The following SLF1 variants were observed in gnomAD, a reference collection of about 807,000 sequenced individuals.
SLF1 encodes SMC5-SMC6 complex localization factor protein 1.
In SLF1, 105 loss-of-function variants were observed where a neutral mutation model predicts 123.0. The observed-to-expected ratio is 0.85, with a 90% confidence interval of 0.73 to 1.00. The LOEUF (loss-of-function observed/expected upper bound fraction) is 1.00, where lower values mean the gene tolerates loss of function less well. Ranked by LOEUF, SLF1 falls within the 50% of genes least tolerant of loss-of-function variation. The pLI is 0.00. For synonymous variants in SLF1, 434 were observed against 406.6 expected (o/e 1.07, Z -0.81); for missense variants, 1,239 against 1,223.0 (o/e 1.01, Z -0.20).
intron 14 of SLF1, 187 bp from the exon 15 acceptor site, chr5:94,678,621 G>A (rs766864170): frequency 8.4e-6 from 4 of 474,792 alleles, no homozygotes; most frequent in African/African-American, 2.0e-5. Flanking sequence ...CTTTTGTCAT[G>A]TGGAGAGAGA....
Position 94,692,158 on chromosome 5 carries a change from A to C in SLF1, c.2597A>C (p.Glu866Ala). The change falls in exon 20 of 21, where the codon GAG becomes GCG. Residue 866 changes from glutamate to alanine, a missense_variant. By Grantham distance (107) the Glu-to-Ala change is moderately radical. Coordinates refer to ENST00000265140, the MANE Select transcript of SLF1 (RefSeq NM_032290.4). ...CAGGAAATTTTGCAACGTTGTCCAGAGGTAGATCTGCTCACTCAAGTGGAC... is the reference window on the plus strand; with the variant it reads ...CAGGAAATTTTGCAACGTTGTCCAGCGGTAGATCTGCTCACTCAAGTGGAC... The part of the protein sequence containing the change: ...CVQEILQRCP[E>A]VDLLTQVDGV... 6.2e-7 allele frequency: 1 copy of C among 1,613,954 alleles called. No individual in the cohort carries two copies. Among genetic ancestry groups the C allele is most frequent in the Non-Finnish European group, 8.5e-7 (1 of 1,179,864 alleles).
intron 4 of SLF1, among the ~76,000 whole-genome samples, chr5:94,631,201 G>T (rs1461245578): frequency 6.6e-6 from 1 of 151,834 alleles, no homozygotes; most frequent in African/African-American, 2.4e-5. Context: ...TGTATTCTAA[G>T]ACTGCTGTTA....
chr5:94,670,450 T>G (rs1389611718), intron 13 of SLF1, among the ~76,000 whole-genome samples, 171 bp downstream of exon 13: 5 of 151,838 alleles, frequency 3.3e-5, no homozygotes, highest in Admixed American at 3.3e-4. Context: ...GAGTAAAGGT[T>G]TATATGCCCT....
intron 5 of SLF1, among the ~76,000 whole-genome samples, chr5:94,644,644 C>A (rs78909943): frequency 0.012 from 1,785 of 152,308 alleles, 42 homozygotes; most frequent in African/African-American, 0.042. Flanking sequence ...TGTGGGTCTT[C>A]CTGCCTTCTG....
intron 11 of SLF1, 134 bp downstream of exon 11, chr5:94,664,042 A>G (rs1037430919): frequency 3.8e-6 from 3 of 790,158 alleles, no homozygotes; most frequent in Non-Finnish European, 5.6e-6. Flanking sequence ...CTAATGCAGT[A>G]CCCATTTATT....
chr5:94,676,345 T>G (rs1352977828), intron 14 of SLF1, among the ~76,000 whole-genome samples: 6 of 152,208 alleles, frequency 3.9e-5, no homozygotes, highest in Non-Finnish European at 7.3e-5. Context: ...TGCAGTGTTT[T>G]CTGGAGACTA....
chr5:94,682,548 T>G (rs905579046), intron 15 of SLF1, among the ~76,000 whole-genome samples: 5 of 152,194 alleles, frequency 3.3e-5, no homozygotes, highest in African/African-American at 4.8e-5. Flanking sequence ...AGTACAAAAT[T>G]CATACTGTGA....
intron 1 of SLF1, among the ~76,000 whole-genome samples, chr5:94,624,436 T>C (rs1561415566): frequency 6.6e-6 from 1 of 152,178 alleles, no homozygotes; most frequent in East Asian, 1.9e-4. Context: ...AAAGACCATA[T>C]GGTTTAAGAT....
At chr5:94,650,875 G>T (rs1374339859) in intron 6 of SLF1, among the ~76,000 whole-genome samples, 2 of 152,086 alleles carry the variant, frequency 1.3e-5, no homozygotes, top group African/African-American at 4.8e-5. Flanking sequence ...ATATAGAAAG[G>T]AATGTAGAAT....
Position 94,690,932 on chromosome 5 carries a change from C to T in SLF1, c.2420-632C>T, listed in dbSNP as rs201652748. On this transcript the variant is annotated intron_variant, in intron 18 of 20. Coordinates refer to ENST00000265140, the MANE Select transcript of SLF1 (RefSeq NM_032290.4). ...TTTTTTTTTACATCCGTGTGTGTGTCTGTGTGTGTGTGTGTGTGTGGTGTG... is the reference window on the plus strand; with the variant it reads ...TTTTTTTTTACATCCGTGTGTGTGTTTGTGTGTGTGTGTGTGTGTGGTGTG... 2.8e-5 allele frequency among the ~76,000 whole-genome samples: 4 copies of T among 144,680 alleles called. No homozygotes were observed. In the Admixed American group the frequency reaches 2.8e-4, roughly 10 times the overall value. 94.9% of individuals were successfully genotyped at this position (144,680 alleles called of 152,430 possible). A position where few individuals can be genotyped will look rare whatever the true frequency, so the allele number is the denominator to read the frequency against.
intron 4 of SLF1, among the ~76,000 whole-genome samples, chr5:94,642,408 C>T (rs902148445): frequency 3.3e-5 from 5 of 152,202 alleles, no homozygotes; most frequent in African/African-American, 9.6e-5. Flanking sequence ...ATACTTGCCC[C>T]TTAAATTTTG....
At chr5:94,623,587 A>T (rs1269072641) in intron 1 of SLF1, among the ~76,000 whole-genome samples, 1 of 152,042 alleles carries the variant, frequency 6.6e-6, no homozygotes, top group Admixed American at 6.5e-5. Flanking sequence ...TTTTCTAAAA[A>T]TAACCACTGG....
chr5:94,673,451 G>A lies in SLF1; in HGVS notation c.1827+2443G>A, dbSNP rs902457392. Among the ~76,000 whole-genome samples the A allele has an allele frequency of 1.2e-3, 183 of 152,088 alleles. 1 individual carries two copies. The highest frequency in any genetic ancestry group is 4.3e-3 in the African/African-American group (178 of 41,480). On this transcript the variant is annotated intron_variant, in intron 14 of 20. Transcript: ENST00000265140. Reference sequence around the variant, plus strand: ...GCACTTTGATATGCTGAAGTGGAAGGATTGCTTGCGGCCAGGAGCTCAAGA... The same window carrying A: ...GCACTTTGATATGCTGAAGTGGAAGAATTGCTTGCGGCCAGGAGCTCAAGA...
At chr5:94,636,569 T>G (rs1488046966) in intron 4 of SLF1, among the ~76,000 whole-genome samples, 1 of 142,394 alleles carries the variant, frequency 7.0e-6, no homozygotes, top group Non-Finnish European at 1.6e-5. Context: ...ATTTTTCACT[T>G]TAGCAATTAT....
Position 94,630,555 on chromosome 5 carries a change from A to G in SLF1, c.243A>G (p.Arg81=), listed in dbSNP as rs1327281423. The G allele has an allele frequency of 3.1e-5, 48 of 1,551,532 alleles. No homozygotes were observed. Among genetic ancestry groups the G allele is most frequent in the Admixed American group, 1.2e-4 (6 of 50,990 alleles). Reference sequence around the variant, plus strand: ...TAATTCATAGTGCCAAAAGTGGCAGATGGCTTGATGAAACAACTTATGAAT... The same window carrying G: ...TAATTCATAGTGCCAAAAGTGGCAGGTGGCTTGATGAAACAACTTATGAAT... ...DYIIHSAKSG[R]WLDETTYEWG... Residue 81 remains arginine, a synonymous_variant, in exon 4 of 21, where the codon AGA becomes AGG. Coordinates refer to ENST00000265140, the MANE Select transcript of SLF1 (RefSeq NM_032290.4).
chr5:94,692,013 T>G (rs1019145274), intron 19 of SLF1, 61 bp from the exon 20 acceptor site: 1 of 1,523,644 alleles, frequency 6.6e-7, no homozygotes, highest in Non-Finnish European at 9.0e-7. Flanking sequence ...AGAACATCAG[T>G]ACTTTTCTAC....
intron 15 of SLF1, among the ~76,000 whole-genome samples, chr5:94,683,113 T>A (rs1260463685): frequency 6.6e-6 from 1 of 152,234 alleles, no homozygotes; most frequent in Non-Finnish European, 1.5e-5. Context: ...TTTTTTCATA[T>A]CTTTGGAGAA....
At chr5:94,661,498 C>T (rs1360457167) in intron 9 of SLF1, among the ~76,000 whole-genome samples, 1 of 151,944 alleles carries the variant, frequency 6.6e-6, no homozygotes, top group Non-Finnish European at 1.5e-5. Context: ...TCTAAGTCAG[C>T]CATCTTGAAG....
At chr5:94,677,834 A>G (rs1751263453) in intron 14 of SLF1, among the ~76,000 whole-genome samples, 1 of 152,190 alleles carries the variant, frequency 6.6e-6, no homozygotes, top group Non-Finnish European at 1.5e-5. Context: ...GCGTAGGGTA[A>G]AGCACGCTTA....
Sources: gnomAD v4.1 joint callset for allele counts (sites outside exome capture counted in the v4.1 genomes callset) on GRCh38, gnomAD v4.1.1 for gene constraint, MANE v1.5 for transcripts, NCBI Gene and HGNC (gene_info 2026-07-23, HGNC 2026-07-21) for gene names.